SMARCA2: variants seen among roughly 807,000 people sequenced by gnomAD.
SMARCA2 encodes SWI/SNF related BAF chromatin remodeling complex subunit ATPase 2, also known as SWI/SNF-related matrix-associated actin-dependent regulator of chromatin subfamily A member 2.
In SMARCA2, 61 loss-of-function variants were observed where a neutral mutation model predicts 199.8. The observed-to-expected ratio is 0.31, with a 90% CI of 0.25 to 0.38. SMARCA2 has a LOEUF of 0.38. Ranked by LOEUF, SMARCA2 falls within the 10% of genes least tolerant of loss-of-function variation. SMARCA2 has a pLI of 1.00. For missense variants in SMARCA2, 1,344 were observed against 2,012.2 expected, an observed-to-expected ratio of 0.67 and a Z score of 6.35; for synonymous variants, 935 against 732.0, an observed-to-expected ratio of 1.28 and a Z score of -4.48.
intron 23 of SMARCA2, among the ~76,000 whole-genome samples, chr9:2,106,398 G>A (rs1339179451): frequency 6.6e-6 from 1 of 152,184 alleles, no homozygotes; most frequent in Non-Finnish European, 1.5e-5. Context: ...ACTATTCACT[G>A]TTGCTGCTCT....
chr9:2,048,873 T>C (rs1229495073), intron 5 of SMARCA2, among the ~76,000 whole-genome samples: 5 of 152,244 alleles, frequency 3.3e-5, no homozygotes, highest in African/African-American at 1.2e-4. Flanking sequence ...TATTCCTCTA[T>C]TCATGTGCAA....
In SMARCA2 at chr9:2,048,977, ATG is replaced by A. The variant is rs556770251; in HGVS notation, c.1046+1496_1046+1497del. On this transcript the variant is annotated intron_variant, in intron 5 of 33. Transcript: ENST00000349721. ...GTCAGTAATAGAATAGAGAAATACA[ATG>A]TGGATGCTCTAAAATTCTGACTTCC... 3.9e-5 allele frequency among the ~76,000 whole-genome samples: 6 copies of A among 152,344 alleles called. No individual in the cohort carries two copies. The South Asian group carries it at 1.2e-3, about 32-fold the overall frequency.
chr9:2,077,390 C>A (rs1309443085), intron 13 of SMARCA2, among the ~76,000 whole-genome samples: 1 of 152,160 alleles, frequency 6.6e-6, no homozygotes, highest in Non-Finnish European at 1.5e-5. Context: ...AATGAAGTAA[C>A]CTCTCTAAGC....
Position 2,058,443 on chromosome 9 carries a change from G to A in SMARCA2, c.1500G>A (p.Lys500=). 6.2e-7 allele frequency: 1 copy of A among 1,614,138 alleles called. No individual in the cohort carries two copies. ...EQKKETERIE[K]ERMRRLMAED... ...AGAAGGAGACAGAGCGGATTGAAAA[G>A]GAGAGAATGCGGCGACTGATGGTAA... Residue 500 remains lysine, a synonymous_variant, in exon 8 of 34, where the codon AAG becomes AAA. Transcript: ENST00000349721.
At chr9:2,167,254 T>G (rs542858209) in intron 28 of SMARCA2, among the ~76,000 whole-genome samples, 1 of 152,226 alleles carries the variant, frequency 6.6e-6, no homozygotes, top group Non-Finnish European at 1.5e-5. Context: ...ATCAACTCTC[T>G]TATCAGGAGC....
chr9:2,191,549 A>T (rs1180872238), intron 33 of SMARCA2, 141 bp downstream of exon 33: 15 of 908,834 alleles, frequency 1.7e-5, no homozygotes, highest in Non-Finnish European at 5.1e-6. Flanking sequence ...TTCATTATTG[A>T]GGGATGTGAA....
chr9:2,062,038 A>G (rs1359183263), intron 9 of SMARCA2, among the ~76,000 whole-genome samples: 1 of 152,052 alleles, frequency 6.6e-6, no homozygotes, highest in Non-Finnish European at 1.5e-5. Context: ...ACTGTGCAAA[A>G]CTCCAGCTCC....
In SMARCA2 at chr9:2,047,502, CA is replaced by C; in HGVS notation, c.1046+20del. The C allele has an allele frequency of 7.2e-7, 1 of 1,392,972 alleles. No individual in the cohort carries two copies. The highest frequency in any genetic ancestry group is 9.4e-7 in the Non-Finnish European group (1 of 1,061,338). 86.3% of individuals were successfully genotyped at this position (1,392,972 alleles called of 1,614,324 possible). Reference sequence around the variant, plus strand: ...GAATACAGGTAACGCACCCCGCCAGCAAGGGGCCCCCTGCGGTGTGCTAGCA... The same window carrying C: ...GAATACAGGTAACGCACCCCGCCAGCAGGGGCCCCCTGCGGTGTGCTAGCA... On this transcript the variant is annotated intron_variant, in intron 5 of 33. Transcript: ENST00000349721.
intron 27 of SMARCA2, among the ~76,000 whole-genome samples, chr9:2,125,231 C>T (rs7048496): frequency 1.3e-5 from 2 of 151,952 alleles, no homozygotes; most frequent in Non-Finnish European, 1.5e-5. Context: ...GTGGTTGAAC[C>T]GTTGTGTATA....
intron 27 of SMARCA2, among the ~76,000 whole-genome samples, chr9:2,140,619 A>G (rs1195829039): frequency 6.6e-6 from 1 of 152,202 alleles, no homozygotes; most frequent in African/African-American, 2.4e-5. Context: ...CATAAAAGCT[A>G]ATGAAAAATA....
intron 26 of SMARCA2, among the ~76,000 whole-genome samples, chr9:2,120,438 G>C (rs1823407319): frequency 1.3e-5 from 2 of 152,202 alleles, no homozygotes; most frequent in Non-Finnish European, 2.9e-5. Context: ...AGGGGAGCTT[G>C]AAGTCTAGGT....
At chr9:2,088,641 T>G (rs751243770) in intron 19 of SMARCA2, 28 bp downstream of exon 19, 21 of 1,362,558 alleles carry the variant, frequency 1.5e-5, no homozygotes, top group African/African-American at 3.0e-5. Flanking sequence ...AAGTTGTGGG[T>G]TTTTTTTTTC....
chr9:2,142,973 AT>A (rs145491201), intron 27 of SMARCA2, among the ~76,000 whole-genome samples: 5 of 152,066 alleles, frequency 3.3e-5, no homozygotes, highest in South Asian at 2.1e-4. Context: ...GATTAAAATG[AT>A]TTTTTTTAAG....
chr9:2,176,674 C>G (rs1334555349), intron 29 of SMARCA2, among the ~76,000 whole-genome samples: 2 of 152,092 alleles, frequency 1.3e-5, no homozygotes, highest in Non-Finnish European at 2.9e-5. Flanking sequence ...ACCTCAGCCT[C>G]CCAAGTAGCT....
chr9:2,051,938 A>G lies in SMARCA2; in HGVS notation c.1047-2659A>G, dbSNP rs117183366. ...TATCCAGAGATTTGGGGCTACATAG[A>G]TGTTGTAGAAAATGAGTAAATGAAG... is the stretch of plus-strand genomic sequence containing the variant. On this transcript the variant is annotated intron_variant, in intron 5 of 33. Coordinates refer to ENST00000349721, the MANE Select transcript of SMARCA2 (RefSeq NM_003070.5). Among the ~76,000 whole-genome samples, 699 of 152,296 alleles carry G rather than the reference A, an allele frequency of 4.6e-3. 2 individuals are homozygous for G. Among genetic ancestry groups the G allele is most frequent in the Non-Finnish European group, 7.2e-3 (490 of 68,032 alleles).
intron 13 of SMARCA2, among the ~76,000 whole-genome samples, chr9:2,076,626 TGTC>T (rs1455293528): frequency 6.6e-6 from 1 of 151,412 alleles, no homozygotes; most frequent in Non-Finnish European, 1.5e-5. Flanking sequence ...GCCTCACACC[TGTC>T]GTCTGCACCT....
chr9:2,060,875 T>C lies in SMARCA2; in HGVS notation c.1581T>C (p.Ala527=). The change falls in exon 9 of 34, where the codon GCT becomes GCC. Residue 527 remains alanine (A), a synonymous_variant. Transcript: ENST00000349721. Reference sequence around the variant, plus strand: ...ATCAAAAGAAAGACAGGCGTTTAGCTTACCTTTTGCAGCAGACCGATGAGT... The same window carrying C: ...ATCAAAAGAAAGACAGGCGTTTAGCCTACCTTTTGCAGCAGACCGATGAGT... ...LIDQKKDRRL[A]YLLQQTDEYV... is the part of the protein sequence containing the mutation. The C allele has an allele frequency of 1.9e-6, 3 of 1,614,134 alleles. No individual in the cohort carries two copies. Among genetic ancestry groups the C allele is most frequent in the Non-Finnish European group, 2.5e-6 (3 of 1,179,974 alleles).
intron 28 of SMARCA2, among the ~76,000 whole-genome samples, chr9:2,162,217 G>T (rs1044896945): frequency 6.6e-6 from 1 of 151,660 alleles, no homozygotes; most frequent in African/African-American, 2.4e-5. Context: ...CAGATGAAAG[G>T]GATTGGAATG....
intron 23 of SMARCA2, among the ~76,000 whole-genome samples, chr9:2,106,736 G>C (rs564556188): frequency 8.1e-4 from 124 of 152,204 alleles, no homozygotes; most frequent in Non-Finnish European, 1.4e-3. Flanking sequence ...GATTATGGTT[G>C]CATGAATAGA....
Sources: gnomAD v4.1 joint callset for allele counts (sites outside exome capture counted in the v4.1 genomes callset) on GRCh38, gnomAD v4.1.1 for gene constraint, MANE v1.5 for transcripts, NCBI Gene and HGNC (gene_info 2026-07-23, HGNC 2026-07-21) for gene names.